The following LRFN2 variants were observed in gnomAD, a reference collection of about 807,000 sequenced individuals.
LRFN2 encodes leucine-rich repeat and fibronectin type-III domain-containing protein 2.
In LRFN2, 18 loss-of-function variants were observed where a neutral mutation model predicts 37.3. The ratio of observed to expected loss-of-function variants is 0.48; its 90% CI spans 0.33 to 0.72. The LOEUF is 0.72. LRFN2 is among the 30% of genes least tolerant of loss of function. The pLI is 0.02. For synonymous variants in LRFN2, 556 were observed against 466.6 expected, an observed-to-expected ratio of 1.19 and a Z score of -2.47; for missense variants, 1,006 against 1,060.7, an observed-to-expected ratio of 0.95 and a Z score of 0.72.
intron 2 of LRFN2, among the ~76,000 whole-genome samples, chr6:40,394,621 C>T (rs929751553): frequency 6.6e-6 from 1 of 152,190 alleles, no homozygotes; most frequent in African/African-American, 2.4e-5. Context: ...GGAAGCCACA[C>T]TGGAGGAAAT....
intron 1 of LRFN2, among the ~76,000 whole-genome samples, chr6:40,434,295 C>T (rs1289278495): frequency 4.6e-5 from 7 of 152,126 alleles, no homozygotes; most frequent in East Asian, 3.9e-4. Context: ...CTTTGCGCCT[C>T]CAAATGTCAA....
At chr6:40,539,901 A>G (rs2436752) in intron 1 of LRFN2, among the ~76,000 whole-genome samples, 2,982 of 152,186 alleles carry the variant, frequency 0.02, 116 homozygotes, top group African/African-American at 0.067. Context: ...CTCCATCTGT[A>G]ACCAAGAGAG....
chr6:40,418,660 G>A (rs1166959877), intron 2 of LRFN2, among the ~76,000 whole-genome samples: 1 of 152,190 alleles, frequency 6.6e-6, no homozygotes, highest in Non-Finnish European at 1.5e-5. Context: ...GACAGCACTT[G>A]TTCCAAGCTC....
At chr6:40,498,436 C>A (rs1369611750) in intron 1 of LRFN2, among the ~76,000 whole-genome samples, 5 of 152,166 alleles carry the variant, frequency 3.3e-5, no homozygotes, top group African/African-American at 1.2e-4. Flanking sequence ...ATAAAGATAT[C>A]CCTAGACATT....
intron 1 of LRFN2, among the ~76,000 whole-genome samples, chr6:40,499,193 TCCCTATTGGGCC>T (rs977915870): frequency 6.6e-5 from 10 of 152,056 alleles, no homozygotes; most frequent in Non-Finnish European, 1.5e-4. Context: ...TCTCCATCCC[TCCCTATTGGGCC>T]CATGGAATAG....
chr6:40,537,858 C>T (rs1266752063), intron 1 of LRFN2, among the ~76,000 whole-genome samples: 4 of 152,048 alleles, frequency 2.6e-5, no homozygotes, highest in Non-Finnish European at 4.4e-5. Flanking sequence ...AGGACCCCTC[C>T]CAGCCCCTTT....
chr6:40,497,929 T>A (rs1286396181), intron 1 of LRFN2, among the ~76,000 whole-genome samples: 3 of 152,174 alleles, frequency 2.0e-5, no homozygotes, highest in Non-Finnish European at 4.4e-5. Flanking sequence ...CTATTTATCA[T>A]CTTTACTCTT....
intron 1 of LRFN2, among the ~76,000 whole-genome samples, chr6:40,486,370 T>A (rs1369074693): frequency 2.0e-5 from 3 of 152,170 alleles, no homozygotes; most frequent in Non-Finnish European, 4.4e-5. Context: ...TTCCTGACTG[T>A]GCAATAAGAG....
chr6:40,570,474 C>T (rs772687239), intron 1 of LRFN2, among the ~76,000 whole-genome samples: 65 of 152,164 alleles, frequency 4.3e-4, no homozygotes, highest in Non-Finnish European at 3.1e-4. Context: ...AGTTGTGCAG[C>T]CAGATTTCTG....
chr6:40,514,767 A>G (rs945965691), intron 1 of LRFN2, among the ~76,000 whole-genome samples: 1 of 152,370 alleles, frequency 6.6e-6, no homozygotes, highest in African/African-American at 2.4e-5. Context: ...TCACTTGACC[A>G]TATAACCCTT....
intron 1 of LRFN2, among the ~76,000 whole-genome samples, chr6:40,435,180 A>G (rs1377631799): frequency 1.4e-5 from 2 of 147,806 alleles, no homozygotes; most frequent in African/African-American, 5.0e-5. Flanking sequence ...AGAGAGAGAG[A>G]GACAGATTCT....
chr6:40,534,206 T>C (rs944176810), intron 1 of LRFN2, among the ~76,000 whole-genome samples: 4 of 152,222 alleles, frequency 2.6e-5, no homozygotes, highest in Admixed American at 1.3e-4. Context: ...CCAGCAGCTA[T>C]GTGACCAGTC....
Position 40,412,956 on chromosome 6 carries a change from T to A in LRFN2, c.1400+18758A>T, listed in dbSNP as rs1214840932. ...GCATCACCTCATTGAGCAGGTGAAC[T>A]TTTGAGGTGAGGGAGATCTTACATC... On this transcript the variant is annotated intron_variant, in intron 2 of 2. Transcript: ENST00000338305. Among the ~76,000 whole-genome samples, 6 of 152,288 alleles carry A rather than the reference T, an allele frequency of 3.9e-5. No individual in the cohort carries two copies. In the East Asian group the frequency reaches 1.2e-3, roughly 29 times the overall value.
chr6:40,496,986 C>T (rs1765242870), intron 1 of LRFN2, among the ~76,000 whole-genome samples: 1 of 152,150 alleles, frequency 6.6e-6, no homozygotes, highest in African/African-American at 2.4e-5. Context: ...ACCCAACACA[C>T]CTCCTGGTGT....
intron 2 of LRFN2, among the ~76,000 whole-genome samples, chr6:40,421,155 A>G (rs574100119): frequency 4.6e-5 from 7 of 152,356 alleles, no homozygotes; most frequent in African/African-American, 1.2e-4. Context: ...GAATAATGCA[A>G]TTGACCTGCT....
At chr6:40,540,792 T>C (rs1766540396) in intron 1 of LRFN2, among the ~76,000 whole-genome samples, 1 of 152,146 alleles carries the variant, frequency 6.6e-6, no homozygotes, top group South Asian at 2.1e-4. Context: ...GGCCCCCAGA[T>C]GCCCAAGGAG....
intron 1 of LRFN2, among the ~76,000 whole-genome samples, chr6:40,575,554 G>A (rs1767262941): frequency 6.6e-6 from 1 of 152,204 alleles, no homozygotes; most frequent in East Asian, 1.9e-4. Context: ...GGATATTGGG[G>A]TAAAGGAACT....
At chr6:40,398,911 G>A (rs1453872041) in intron 2 of LRFN2, among the ~76,000 whole-genome samples, 1 of 151,870 alleles carries the variant, frequency 6.6e-6, no homozygotes, top group Non-Finnish European at 1.5e-5. Context: ...GGCACATACT[G>A]TTATTCTACT....
intron 1 of LRFN2, among the ~76,000 whole-genome samples, chr6:40,508,252 C>G (rs1403493165): frequency 6.6e-6 from 1 of 152,240 alleles, no homozygotes; most frequent in Non-Finnish European, 1.5e-5. Context: ...CCAGGACATG[C>G]TGCAGGTAAG....
Sources: gnomAD v4.1 joint callset for allele counts (sites outside exome capture counted in the v4.1 genomes callset) on GRCh38, gnomAD v4.1.1 for gene constraint, MANE v1.5 for transcripts, NCBI Gene and HGNC (gene_info 2026-07-23, HGNC 2026-07-21) for gene names.